XRCC3: variants seen among roughly 807,000 people sequenced by gnomAD.
XRCC3 encodes the protein X-ray repair cross complementing 3.
A neutral mutation model predicts 29.2 loss-of-function variants in XRCC3; 34 were observed. The observed-to-expected ratio is 1.16, with a 90% CI of 0.88 to 1.55. The LOEUF is 1.55. Among genes scored for constraint, XRCC3 ranks in the 40% most tolerant of loss-of-function variants. XRCC3 has a pLI of 0.00. For synonymous variants in XRCC3, 223 were observed against 211.3 expected (o/e 1.06, Z -0.48); for missense variants, 463 against 467.6 (o/e 0.99, Z 0.09).
intron 4 of XRCC3, 198 bp from the exon 5 acceptor site, chr14:103,708,857 G>A (rs2083531734): frequency 1.5e-6 from 1 of 673,320 alleles, no homozygotes; most frequent in Non-Finnish European, 2.6e-6. Flanking sequence ...ACGAGGAAAG[G>A]GCTGCTGGAC....
At position 103,711,221 on chromosome 14, in the gene XRCC3, T is replaced by C. The variant is rs1252662260; in HGVS notation, c.-134A>G. 7.8e-5 allele frequency: 72 copies of C among 920,594 alleles called. No homozygotes were observed. In the South Asian group the frequency reaches 8.4e-4, roughly 11 times the overall value. 57.0% of individuals were successfully genotyped at this position (920,594 alleles called of 1,614,324 possible). The stretch of plus-strand genomic sequence containing the variant: ...ACCAGGGAAGTGACAGCAGCCGAGG[T>C]GTCCGTGTCATCGGGGCTCTGTCAC... On this transcript the variant is annotated 5_prime_UTR_variant, in exon 4 of 10. Transcript: ENST00000555055.
chr14:103,706,904 C>A, intron 6 of XRCC3, 99 bp downstream of exon 6: 1 of 1,310,458 alleles, frequency 7.6e-7, no homozygotes, highest in East Asian at 2.5e-5. Flanking sequence ...GTAGGAACAG[C>A]GCAAGAGGCG....
At position 103,698,491 on chromosome 14, in the gene XRCC3, T is replaced by C. The variant is rs2082767486; in HGVS notation, c.*307A>G. The C allele has an allele frequency of 2.3e-6, 1 of 442,794 alleles. No individual in the cohort carries two copies. The highest frequency in any genetic ancestry group is 2.1e-5 in the South Asian group (1 of 46,656). The allele number at this position is 442,794 out of a possible 1,614,324, so 27.4% of individuals were successfully genotyped here. ...AAGCAGGCGGCTCCCAGGGAGTCAC[T>C]GTAGGACACCCCAGGCTCCAGCCCT... On this transcript the variant is annotated 3_prime_UTR_variant, in exon 10 of 10. Coordinates refer to ENST00000555055, the MANE Select transcript of XRCC3 (RefSeq NM_005432.4).
chr14:103,697,827 G>A lies in XRCC3; in HGVS notation c.*971C>T, dbSNP rs908109287. 5 of 152,390 alleles carry A rather than the reference G, an allele frequency of 3.3e-5. No individual in the cohort carries two copies. The East Asian group carries it at 9.6e-4, about 29-fold the overall frequency. 9.4% of individuals were successfully genotyped at this position (152,390 alleles called of 1,614,324 possible). A position where few individuals can be genotyped will look rare whatever the true frequency, so the allele number is the denominator to read the frequency against. On this transcript the variant is annotated 3_prime_UTR_variant, in exon 10 of 10. Coordinates refer to ENST00000555055, the MANE Select transcript of XRCC3 (RefSeq NM_005432.4). ...AGGAGGCTCTGCTTTCCAGCCAGAT[G>A]TAAGGCCTGGCCACAGTGTGGGACT...
intron 7 of XRCC3, chr14:103,702,110 C>T (rs1163218327): frequency 6.6e-6 from 1 of 152,444 alleles, no homozygotes; most frequent in African/African-American, 2.4e-5. Context: ...CAGCTCACAG[C>T]ACTGCTGCCC....
In XRCC3 at chr14:103,697,620, A is replaced by G. The variant is rs1479183738; in HGVS notation, c.*1178T>C. ...AGCAAGAAGCAGGTCCTGGAACTGC[A>G]TCCATTGAACATTTATTTGTCAAAG... On this transcript the variant is annotated 3_prime_UTR_variant, in exon 10 of 10. Coordinates refer to ENST00000555055, the MANE Select transcript of XRCC3 (RefSeq NM_005432.4). 6.6e-6 allele frequency: 1 copy of G among 152,250 alleles called. No homozygotes were observed. Among genetic ancestry groups the G allele is most frequent in the African/African-American group, 2.4e-5 (1 of 41,440 alleles). 9.4% of individuals were successfully genotyped at this position (152,250 alleles called of 1,614,324 possible).
chr14:103,707,864 G>C (rs1435051394), intron 5 of XRCC3: 1 of 187,360 alleles, frequency 5.3e-6, no homozygotes, highest in Non-Finnish European at 1.1e-5. Flanking sequence ...ACACTGCCTT[G>C]GGCACCCCGT....
chr14:103,706,753 G>C (rs971143705), intron 6 of XRCC3: 1 of 561,100 alleles, frequency 1.8e-6, no homozygotes. Flanking sequence ...TGGGGGCCTA[G>C]CTCTGCTGAG....
chr14:103,699,048 T>C, intron 9 of XRCC3, 31 bp from the exon 10 acceptor site: 1 of 1,567,042 alleles, frequency 6.4e-7, no homozygotes, highest in Non-Finnish European at 8.7e-7. Context: ...AAGCTGGCGC[T>C]CAGGCTTGGT....
In XRCC3 at chr14:103,711,033, C is replaced by T. The variant is rs1289484229; in HGVS notation, c.55G>A (p.Ala19Thr). ...NPRIIAAIKK[A>T]KLKSVKEVLH... The stretch of plus-strand genomic sequence containing the variant: ...TTTATGTAAATAGAAATAAATGTAC[C>T]TTTCTTAATTGCAGCAATAATTCTG... Residue 19 changes from alanine to threonine, a missense_variant and splice_region_variant, in exon 4 of 10, where the codon GCC becomes ACC. Ala to Thr is a moderately conservative substitution (Grantham distance 58, BLOSUM62 0). Transcript: ENST00000555055. 1 of 1,614,012 alleles carries T rather than the reference C, an allele frequency of 6.2e-7. No homozygotes were observed. The highest frequency in any genetic ancestry group is 8.5e-7 in the Non-Finnish European group (1 of 1,180,006).
intron 5 of XRCC3, chr14:103,707,472 A>G: frequency 1.8e-6 from 1 of 565,904 alleles, no homozygotes; most frequent in East Asian, 3.0e-5. Flanking sequence ...CTATGGGGCA[A>G]TTGCAGCACC....
In XRCC3 at chr14:103,698,561, G is replaced by A; in HGVS notation, c.*237C>T. The A allele has an allele frequency of 1.8e-6, 1 of 571,148 alleles. No homozygotes were observed. Among genetic ancestry groups the A allele is most frequent in the Non-Finnish European group, 3.1e-6 (1 of 318,046 alleles). The allele number at this position is 571,148 out of a possible 1,614,324, so 35.4% of individuals were successfully genotyped here. On this transcript the variant is annotated 3_prime_UTR_variant, in exon 10 of 10. Transcript: ENST00000555055. ...GGGCCAGCTCAGCAGTGGGGACCAGGTACCCAGCAAGCGGGCCTGTCCCCA... is the reference window on the plus strand; with the variant it reads ...GGGCCAGCTCAGCAGTGGGGACCAGATACCCAGCAAGCGGGCCTGTCCCCA...
At chr14:103,711,947 C>T (rs903126453) in intron 2 of XRCC3, 1 of 351,664 alleles carries the variant, frequency 2.8e-6, no homozygotes. Flanking sequence ...GATCCATGTC[C>T]TCCAGTGAGG....
At chr14:103,708,269 C>T (rs2083507034) in intron 5 of XRCC3, 5 of 557,470 alleles carry the variant, frequency 9.0e-6, no homozygotes, top group Non-Finnish European at 1.3e-5. Flanking sequence ...GCACCCCCTC[C>T]TCTGGTCCAT....
At chr14:103,703,145 G>C (rs1284056791) in intron 7 of XRCC3, 28 bp downstream of exon 7, 4 of 1,557,366 alleles carry the variant, frequency 2.6e-6, no homozygotes, top group African/African-American at 1.4e-5. Flanking sequence ...TTGCCTTGGG[G>C]GTGTCATGGG....
intron 6 of XRCC3, 43 bp from the exon 7 acceptor site, chr14:103,703,370 G>T: frequency 6.5e-7 from 1 of 1,531,768 alleles, no homozygotes; most frequent in Non-Finnish European, 8.8e-7. Flanking sequence ...GACTCCAGAC[G>T]GGCCTGTGAC....
chr14:103,706,078 C>A, intron 6 of XRCC3: 1 of 333,386 alleles, frequency 3.0e-6, no homozygotes, highest in Non-Finnish European at 5.9e-6. Flanking sequence ...GTGAGCAGAC[C>A]CCAGCTGGGC....
chr14:103,714,678 C>CT (rs972219174), intron 1 of XRCC3, among the ~76,000 whole-genome samples: 21 of 152,086 alleles, frequency 1.4e-4, no homozygotes, highest in Non-Finnish European at 2.8e-4. Context: ...ACATTTTCTT[C>CT]TTTTTTTTGT....
chr14:103,706,672 G>A, intron 6 of XRCC3: 1 of 424,620 alleles, frequency 2.4e-6, no homozygotes, highest in Non-Finnish European at 4.4e-6. Flanking sequence ...TGCGTTGCTG[G>A]CTCTGTGGAC....
Sources: allele counts gnomAD v4.1 joint callset (sites outside exome capture counted in the v4.1 genomes callset), GRCh38; gene constraint gnomAD v4.1.1; transcripts MANE v1.5; gene names NCBI Gene and HGNC (gene_info 2026-07-23, HGNC 2026-07-21).